The following ARHGEF16 variants were observed in gnomAD, a reference collection of about 807,000 sequenced individuals.
ARHGEF16 encodes the protein Rho guanine exchange factor (GEF) 16.
A neutral mutation model predicts 74.1 loss-of-function variants in ARHGEF16; 59 were observed. The observed-to-expected ratio is 0.80, with a 90% confidence interval of 0.65 to 0.99. The LOEUF is 0.99. Among genes scored for constraint, ARHGEF16 ranks in the 50% least tolerant of loss-of-function variants. The pLI, the probability that ARHGEF16 is intolerant of heterozygous loss-of-function variation, is 0.00. For missense variants in ARHGEF16, 948 were observed against 986.6 expected (o/e 0.96, Z 0.52); for synonymous variants, 415 against 412.6 (o/e 1.01, Z -0.07).
chr1:3,473,023 CGTG>C (rs1243946663), intron 6 of ARHGEF16, 52 bp from the exon 7 acceptor site: 8 of 1,579,188 alleles, frequency 5.1e-6, no homozygotes, highest in Non-Finnish European at 6.9e-6. Flanking sequence ...TGTGTGCACA[CGTG>C]GGGCCCGACC....
At chr1:3,460,580 C>T (rs536389645) in intron 1 of ARHGEF16, among the ~76,000 whole-genome samples, 58 of 152,334 alleles carry the variant, frequency 3.8e-4, no homozygotes, top group African/African-American at 1.2e-3. Context: ...AGACCGCCTA[C>T]GCTGGCCACC....
At position 3,479,923 on chromosome 1, in the gene ARHGEF16, G is replaced by A. The variant is rs990509678; in HGVS notation, c.1990+10G>A. 9 of 1,611,712 alleles carry A rather than the reference G, an allele frequency of 5.6e-6. No homozygotes were observed. The highest frequency in any genetic ancestry group is 7.6e-6 in the Non-Finnish European group (9 of 1,179,618). ...CTGCAGCAGGAGGATGGTGAGTGCA[G>A]GGGCGTTGGGCACAGATGGGTGGGA... On this transcript the variant is annotated intron_variant, in intron 14 of 14. Coordinates refer to ENST00000378378, the MANE Select transcript of ARHGEF16 (RefSeq NM_014448.4).
At chr1:3,472,429 G>T (rs1381630008) in intron 6 of ARHGEF16, among the ~76,000 whole-genome samples, 2 of 148,420 alleles carry the variant, frequency 1.3e-5, no homozygotes, top group African/African-American at 2.6e-5. Context: ...TCTGCCAAGA[G>T]CCCACAGCTG....
At position 3,473,424 on chromosome 1, in the gene ARHGEF16, A is replaced by G. The variant is rs1639793789; in HGVS notation, c.1207A>G (p.Arg403Gly). The G allele has an allele frequency of 6.2e-7, 1 of 1,612,058 alleles. No individual in the cohort carries two copies. Among genetic ancestry groups the G allele is most frequent in the African/African-American group, 1.3e-5 (1 of 74,914 alleles). The change falls in exon 8 of 15, where the codon AGA becomes GGA. Residue 403 changes from arginine (R) to glycine (G), a missense_variant. Arg to Gly is a moderately radical substitution (Grantham distance 125). Coordinates refer to ENST00000378378, the MANE Select transcript of ARHGEF16 (RefSeq NM_014448.4). ...CAACGCCGCCTTCCGAGAGGCCCTG[A>G]GAGAGATTGAGAGGCGGCCGGCGTG... ...SSNAAFREAL[R>G]EIERRPACGG... is the part of the protein sequence containing the mutation.
chr1:3,469,124 G>A (rs746225877), intron 5 of ARHGEF16, among the ~76,000 whole-genome samples, 188 bp downstream of exon 5: 5 of 152,144 alleles, frequency 3.3e-5, no homozygotes, highest in Non-Finnish European at 7.4e-5. Flanking sequence ...AGGCCCTGAC[G>A]GAGCCCCTTC....
rs1195160835 is a variant in ARHGEF16, at chr1:3,480,602, G to A, written c.*15G>A. 1 of 1,600,342 alleles carries A rather than the reference G, an allele frequency of 6.2e-7. No homozygotes were observed. The highest frequency in any genetic ancestry group is 8.5e-7 in the Non-Finnish European group (1 of 1,177,970). ...CGGACGTGTAGCCCTGGCGAGGCCA[G>A]CCGGCGGCAGCACAGCCTGTCTCCA... On this transcript the variant is annotated 3_prime_UTR_variant, in exon 15 of 15. Coordinates refer to ENST00000378378, the MANE Select transcript of ARHGEF16 (RefSeq NM_014448.4).
In ARHGEF16 at chr1:3,473,448, T is replaced by C; in HGVS notation, c.1231T>C (p.Cys411Arg). The C allele has an allele frequency of 6.2e-7, 1 of 1,612,438 alleles. No homozygotes were observed. The highest frequency in any genetic ancestry group is 8.5e-7 in the Non-Finnish European group (1 of 1,179,932). The change falls in exon 8 of 15, where the codon TGC (cysteine) becomes CGC (arginine). Residue 411 changes from cysteine to arginine, a missense_variant. Cys to Arg is a radical substitution (Grantham distance 180, BLOSUM62 -3). Transcript: ENST00000378378. ...GAGAGAGATTGAGAGGCGGCCGGCG[T>C]GCGGGGGCCTGCCCATGCTCTCCTT... ...ALREIERRPA[C>R]GGLPMLSFLI... is the part of the protein sequence containing the mutation.
At chr1:3,469,385 GC>G in intron 5 of ARHGEF16, 47 bp from the exon 6 acceptor site, 1 of 1,602,320 alleles carries the variant, frequency 6.2e-7, no homozygotes, top group Non-Finnish European at 8.5e-7. Flanking sequence ...ACCGAGGCAC[GC>G]CCGTGTCCAG....
chr1:3,474,278 A>G (rs1233349877), intron 8 of ARHGEF16: 3 of 229,570 alleles, frequency 1.3e-5, no homozygotes, highest in South Asian at 7.6e-5. Context: ...ACACATGTGC[A>G]TGCTGCCCAT....
chr1:3,476,878 C>T (rs573359312), intron 10 of ARHGEF16, among the ~76,000 whole-genome samples: 1 of 152,078 alleles, frequency 6.6e-6, no homozygotes. Context: ...GGCGTCAGGG[C>T]GGTGACTTCG....
intron 6 of ARHGEF16, among the ~76,000 whole-genome samples, chr1:3,472,209 A>T (rs1375179285): frequency 6.6e-6 from 1 of 152,182 alleles, no homozygotes; most frequent in Non-Finnish European, 1.5e-5. Flanking sequence ...GGTCTGCAGG[A>T]TGGACGAGGC....
intron 1 of ARHGEF16, among the ~76,000 whole-genome samples, chr1:3,457,447 G>A (rs1041153872): frequency 6.6e-6 from 1 of 152,238 alleles, no homozygotes; most frequent in African/African-American, 2.4e-5. Flanking sequence ...ATTGGGTCCT[G>A]GTGGCCGTGA....
At position 3,469,435 on chromosome 1, in the gene ARHGEF16, C is replaced by G. The variant is rs140125798; in HGVS notation, c.864C>G (p.Ala288=). 5 of 1,612,756 alleles carry G rather than the reference C, an allele frequency of 3.1e-6. No individual in the cohort carries two copies. In the African/African-American group the frequency reaches 6.7e-5, roughly 22 times the overall value. ...LSTEERKRQE[A]MFEILTSEFS... ...CTCACCTAGGCCCCTCTCCACAGGC[C>G]ATGTTCGAGATCCTCACGTCGGAGT... The change falls in exon 6 of 15, where the codon GCC becomes GCG. Residue 288 remains alanine, a splice_region_variant and synonymous_variant. Transcript: ENST00000378378.
chr1:3,479,029 G>A (rs1398671568), intron 12 of ARHGEF16, among the ~76,000 whole-genome samples: 3 of 152,228 alleles, frequency 2.0e-5, no homozygotes, highest in East Asian at 1.9e-4. Flanking sequence ...GGGGTGCAGC[G>A]ACCCTGGCCG....
Position 3,477,866 on chromosome 1 carries a change from TC to T in ARHGEF16, c.1474-3del. ...CACTGATCTCCGCCTCCCGGCTCTG[TC>T]CCCCCAGTCCCTCCCACTGATCTCT... On this transcript the variant is annotated splice_polypyrimidine_tract_variant and splice_region_variant and intron_variant, in intron 10 of 14. Coordinates refer to ENST00000378378, the MANE Select transcript of ARHGEF16 (RefSeq NM_014448.4). The T allele has an allele frequency of 1.3e-6, 2 of 1,599,266 alleles. No individual in the cohort carries two copies. The highest frequency in any genetic ancestry group is 1.7e-6 in the Non-Finnish European group (2 of 1,170,322).
chr1:3,464,622 G>A (rs772796652), intron 2 of ARHGEF16, among the ~76,000 whole-genome samples: 6 of 152,214 alleles, frequency 3.9e-5, no homozygotes, highest in Non-Finnish European at 7.3e-5. Flanking sequence ...TTGCTCAGAC[G>A]TGTTGGAAAA....
rs1011827245 is a variant in ARHGEF16 at position 3,480,391 on chromosome 1, G to T, written c.1991-57G>T. The T allele has an allele frequency of 1.7e-5, 27 of 1,601,252 alleles. No individual in the cohort carries two copies. In the African/African-American group the frequency reaches 2.7e-4, roughly 16 times the overall value. On this transcript the variant is annotated intron_variant, in intron 14 of 14. Transcript: ENST00000378378. The stretch of plus-strand genomic sequence containing the variant: ...TGTGCTCAGGCATAGCAGCTCAGAG[G>T]GGCCGGGGGACCCACGGCCTTCCCC...
intron 1 of ARHGEF16, among the ~76,000 whole-genome samples, chr1:3,462,375 G>A (rs1382739364): frequency 6.6e-6 from 1 of 152,214 alleles, no homozygotes; most frequent in East Asian, 1.9e-4. Flanking sequence ...GTCCGCGACA[G>A]TCATATCACT....
intron 9 of ARHGEF16, among the ~76,000 whole-genome samples, chr1:3,475,014 C>T (rs1639845716): frequency 6.8e-6 from 1 of 146,242 alleles, no homozygotes; most frequent in African/African-American, 2.5e-5. Flanking sequence ...GAAACTGAGG[C>T]CCAGAGGTTC....
Sources: allele counts gnomAD v4.1 joint callset (sites outside exome capture counted in the v4.1 genomes callset), GRCh38; gene constraint gnomAD v4.1.1; transcripts MANE v1.5; gene names NCBI Gene and HGNC (gene_info 2026-07-23, HGNC 2026-07-21).